SRGAP2B: variants seen among roughly 807,000 people sequenced by gnomAD.
SRGAP2B encodes SLIT-ROBO Rho GTPase-activating protein 2B.
SRGAP2B carries 9 observed loss-of-function variants against 22.2 expected under a neutral mutation model. The ratio of observed to expected loss-of-function variants is 0.41; its 90% CI spans 0.24 to 0.71. The LOEUF (loss-of-function observed/expected upper bound fraction) is 0.71. SRGAP2B is among the 30% of genes least tolerant of loss of function. The pLI is 0.35. For synonymous variants in SRGAP2B, 36 were observed against 87.4 expected (o/e 0.41, Z 3.28); for missense variants, 114 against 235.8 (o/e 0.48, Z 3.38).
At chr1:145,022,713 G>A (rs1249878227) in intron 2 of SRGAP2B, among the ~76,000 whole-genome samples, 4 of 150,516 alleles carry the variant, frequency 2.7e-5, no homozygotes, top group African/African-American at 1.0e-4. Context: ...GGGGTTGAAA[G>A]GGACTAGAAT....
intron 4 of SRGAP2B, among the ~76,000 whole-genome samples, chr1:144,932,511 G>T (rs1391489648): frequency 1.3e-5 from 2 of 150,432 alleles, no homozygotes; most frequent in Non-Finnish European, 2.9e-5. Flanking sequence ...GGGTCTCCAA[G>T]CCAGAGCATG....
intron 1 of SRGAP2B, among the ~76,000 whole-genome samples, chr1:145,094,005 C>T (rs1161298229): frequency 6.8e-6 from 1 of 147,330 alleles, no homozygotes; most frequent in African/African-American, 2.6e-5. Flanking sequence ...CGGGACACAT[C>T]CAGGAAAACA....
At chr1:145,023,079 C>T (rs1466579680) in intron 2 of SRGAP2B, among the ~76,000 whole-genome samples, 3 of 149,188 alleles carry the variant, frequency 2.0e-5, no homozygotes, top group African/African-American at 7.6e-5. Context: ...GCAGGAGAAT[C>T]ACTTGAACCC....
rs1340844613 is a variant in SRGAP2B, at chr1:144,909,347, G to A, written c.487-3273C>T. ...TGCCTGTAATCCCAGCACTTTGGGAGGCCCAGGTGGGCGGATCACGAGGTC... is the reference window on the plus strand; with the variant it reads ...TGCCTGTAATCCCAGCACTTTGGGAAGCCCAGGTGGGCGGATCACGAGGTC... On this transcript the variant is annotated intron_variant, in intron 5 of 9. Transcript: ENST00000612199. 9.7e-5 allele frequency among the ~76,000 whole-genome samples: 14 copies of A among 144,340 alleles called. 1 individual carries two copies. The highest frequency in any genetic ancestry group is 3.3e-4 in the African/African-American group (12 of 36,762). The allele number at this position is 144,340 out of a possible 152,430, so 94.7% of individuals were successfully genotyped here.
intron 4 of SRGAP2B, among the ~76,000 whole-genome samples, chr1:144,944,789 G>A (rs1169772765): frequency 2.9e-5 from 4 of 139,722 alleles, no homozygotes; most frequent in Non-Finnish European, 6.1e-5. Flanking sequence ...TCAGCTCACT[G>A]CAAACTCCAC....
At chr1:144,944,894 G>A (rs1489293282) in intron 4 of SRGAP2B, among the ~76,000 whole-genome samples, 6 of 148,626 alleles carry the variant, frequency 4.0e-5, no homozygotes, top group Non-Finnish European at 5.9e-5. Context: ...TGAGCAGCTG[G>A]GATTACAGGC....
intron 2 of SRGAP2B, among the ~76,000 whole-genome samples, chr1:145,005,996 G>C (rs1244419615): frequency 6.6e-6 from 1 of 150,846 alleles, no homozygotes; most frequent in Non-Finnish European, 1.5e-5. Flanking sequence ...CTACCTTGCT[G>C]CTGGCTGAAA....
At chr1:144,910,209 TG>T (rs1333573046) in intron 5 of SRGAP2B, among the ~76,000 whole-genome samples, 2 of 148,778 alleles carry the variant, frequency 1.3e-5, no homozygotes, top group South Asian at 2.1e-4. Context: ...AAAGAGTTCT[TG>T]GCAATAAAGA....
intron 4 of SRGAP2B, among the ~76,000 whole-genome samples, chr1:144,954,684 A>C (rs1553609957): frequency 6.6e-6 from 1 of 150,820 alleles, no homozygotes; most frequent in Non-Finnish European, 1.5e-5. Flanking sequence ...CTGGATTTTC[A>C]AGAGGCTGGT....
intron 4 of SRGAP2B, among the ~76,000 whole-genome samples, chr1:144,940,881 A>T (rs1553607276): frequency 6.7e-6 from 1 of 149,230 alleles, no homozygotes; most frequent in African/African-American, 2.5e-5. Flanking sequence ...CAGACTACAG[A>T]CTGCTGTATG....
intron 2 of SRGAP2B, among the ~76,000 whole-genome samples, chr1:144,997,234 A>C (rs6600698): frequency 1.7e-3 from 228 of 136,594 alleles, no homozygotes; most frequent in African/African-American, 2.6e-3. Context: ...CGAGACCATC[A>C]TGGCTAACAT....
At chr1:145,067,250 T>C (rs1651602980) in intron 2 of SRGAP2B, among the ~76,000 whole-genome samples, 2 of 145,832 alleles carry the variant, frequency 1.4e-5, no homozygotes, top group Admixed American at 6.8e-5. Flanking sequence ...GATCACGCCA[T>C]TGCACTCCAG....
chr1:144,921,041 T>G (rs1331767477), intron 4 of SRGAP2B, among the ~76,000 whole-genome samples: 1 of 149,160 alleles, frequency 6.7e-6, no homozygotes, highest in Non-Finnish European at 1.5e-5. Context: ...GTGGTCTGAA[T>G]GCAAAACAGA....
At position 145,076,382 on chromosome 1, in the gene SRGAP2B, G is replaced by C. The variant is rs587759936; in HGVS notation, c.67+16453C>G. On this transcript the variant is annotated intron_variant, in intron 2 of 9. Transcript: ENST00000612199. ...CACAAAAATCTATAATGAATGTTCAGAGCAGCTTCATTCATAACAGCCTAA... is the reference window on the plus strand; with the variant it reads ...CACAAAAATCTATAATGAATGTTCACAGCAGCTTCATTCATAACAGCCTAA... Among the ~76,000 whole-genome samples the C allele has an allele frequency of 1.9e-4, 28 of 149,138 alleles. 2 individuals are homozygous for C. The South Asian group carries it at 4.6e-3, about 25-fold the overall frequency.
chr1:144,993,312 G>A (rs1570952410), intron 3 of SRGAP2B, among the ~76,000 whole-genome samples: 1 of 151,010 alleles, frequency 6.6e-6, no homozygotes, highest in African/African-American at 2.5e-5. Context: ...CTATGTTGTG[G>A]GATCTTGTTA....
intron 2 of SRGAP2B, among the ~76,000 whole-genome samples, chr1:145,038,445 T>A (rs1448168414): frequency 1.5e-5 from 2 of 131,322 alleles, no homozygotes; most frequent in African/African-American, 3.2e-5. Context: ...TTCAAAAAAA[T>A]TTTTTTTCAT....
intron 4 of SRGAP2B, among the ~76,000 whole-genome samples, chr1:144,941,513 G>C (rs1469009718): frequency 3.3e-5 from 5 of 149,694 alleles, no homozygotes; most frequent in Non-Finnish European, 7.4e-5. Flanking sequence ...AAAAGAAAAA[G>C]AAAACAAAAC....
At chr1:144,947,600 C>G (rs1224149665) in intron 4 of SRGAP2B, among the ~76,000 whole-genome samples, 3 of 146,994 alleles carry the variant, frequency 2.0e-5, no homozygotes, top group African/African-American at 7.9e-5. Flanking sequence ...TTCCCCACTT[C>G]CTGCAGTGTG....
intron 4 of SRGAP2B, among the ~76,000 whole-genome samples, chr1:144,943,391 A>G (rs587678722): frequency 2.0e-5 from 3 of 151,980 alleles, no homozygotes; most frequent in Non-Finnish European, 2.9e-5. Context: ...TCTTGACTAA[A>G]ACAGTAGATT....
Sources: gnomAD v4.1 joint callset for allele counts (sites outside exome capture counted in the v4.1 genomes callset) on GRCh38, gnomAD v4.1.1 for gene constraint, MANE v1.5 for transcripts, NCBI Gene and HGNC (gene_info 2026-07-23, HGNC 2026-07-21) for gene names.